The following GPCPD1 variants were observed in gnomAD, a reference collection of about 807,000 sequenced individuals.
GPCPD1 encodes glycerophosphocholine phosphodiesterase GPCPD1.
In GPCPD1, 29 loss-of-function variants were observed where a neutral mutation model predicts 89.2. The ratio of observed to expected loss-of-function variants is 0.33; its 90% CI spans 0.24 to 0.44. The LOEUF (loss-of-function observed/expected upper bound fraction) is 0.44. Among genes scored for constraint, GPCPD1 ranks in the 20% least tolerant of loss-of-function variants. The pLI is 1.00. For synonymous variants in GPCPD1, 258 were observed against 266.3 expected (o/e 0.97, Z 0.30); for missense variants, 594 against 808.9 (o/e 0.73, Z 3.22).
At chr20:5,591,574 A>G (rs1979329937) in intron 4 of GPCPD1, among the ~76,000 whole-genome samples, 1 of 152,202 alleles carries the variant, frequency 6.6e-6, no homozygotes, top group Non-Finnish European at 1.5e-5. Flanking sequence ...TTGTTTTCCT[A>G]TCATTCTTTA....
chr20:5,582,585 C>G (rs1369653885), intron 6 of GPCPD1, among the ~76,000 whole-genome samples: 5 of 152,164 alleles, frequency 3.3e-5, no homozygotes, highest in Non-Finnish European at 7.3e-5. Flanking sequence ...TCCTACAGTA[C>G]AGCATCCAAA....
chr20:5,558,576 T>C, intron 18 of GPCPD1, 108 bp downstream of exon 18: 2 of 638,150 alleles, frequency 3.1e-6, no homozygotes, highest in Non-Finnish European at 5.3e-6. Context: ...TTTGCTACAG[T>C]TTAGTCAAAA....
At chr20:5,551,566 AAT>A (rs753543400) in intron 19 of GPCPD1, among the ~76,000 whole-genome samples, 6 of 152,216 alleles carry the variant, frequency 3.9e-5, no homozygotes, top group African/African-American at 7.2e-5. Context: ...TACATGCAAC[AAT>A]ATGTTAATTT....
Position 5,546,715 on chromosome 20 carries a change from C to T in GPCPD1, c.*946G>A, listed in dbSNP as rs1248293203. 6.6e-6 allele frequency: 1 copy of T among 152,490 alleles called. No individual in the cohort carries two copies. The highest frequency in any genetic ancestry group is 1.9e-4 in the East Asian group (1 of 5,190). 9.4% of individuals were successfully genotyped at this position (152,490 alleles called of 1,614,324 possible). On this transcript the variant is annotated 3_prime_UTR_variant, in exon 20 of 20. Coordinates refer to ENST00000379019, the MANE Select transcript of GPCPD1 (RefSeq NM_019593.5). Reference sequence around the variant, plus strand: ...TAACACACGCACATACAAAACAAACCCACAAAGCAACAGTGTGTAATAGGT... The same window carrying T: ...TAACACACGCACATACAAAACAAACTCACAAAGCAACAGTGTGTAATAGGT...
At chr20:5,605,733 C>A (rs887653471) in intron 1 of GPCPD1, among the ~76,000 whole-genome samples, 10 of 151,906 alleles carry the variant, frequency 6.6e-5, no homozygotes, top group African/African-American at 9.7e-5. Context: ...AGCCCCCCCA[C>A]CTGCCTCCCC....
chr20:5,549,159 G>A, intron 19 of GPCPD1: 1 of 653,412 alleles, frequency 1.5e-6, no homozygotes, highest in East Asian at 3.5e-5. Flanking sequence ...AAACAGGGAG[G>A]ATGATGGCTA....
chr20:5,593,527 C>G lies in GPCPD1; in HGVS notation c.147-116G>C, dbSNP rs143832153. The G allele has an allele frequency of 6.6e-4, 422 of 640,424 alleles. 2 individuals are homozygous for G. Among genetic ancestry groups the G allele is most frequent in the East Asian group, 1.1e-3 (41 of 38,178 alleles). The allele number at this position is 640,424 out of a possible 1,614,324, so 39.7% of individuals were successfully genotyped here. A position where few individuals can be genotyped will look rare whatever the true frequency, so the allele number is the denominator to read the frequency against. On this transcript the variant is annotated intron_variant, in intron 3 of 19. Transcript: ENST00000379019. ...GTATGACCAATATCACTTATTTATT[C>G]CTACACAAAATTTTACAGGCCTACT... is the stretch of plus-strand genomic sequence containing the variant.
intron 7 of GPCPD1, 57 bp from the exon 8 acceptor site, chr20:5,578,668 C>A (rs1246182023): frequency 3.8e-6 from 4 of 1,044,508 alleles, no homozygotes; most frequent in Non-Finnish European, 5.9e-6. Context: ...AAAACTCATA[C>A]AAATGTTGCC....
intron 6 of GPCPD1, among the ~76,000 whole-genome samples, chr20:5,582,385 T>C (rs1207783797): frequency 6.6e-6 from 1 of 152,046 alleles, no homozygotes; most frequent in African/African-American, 2.4e-5. Context: ...CAAATTCCTA[T>C]CTAAATACTG....
rs1978289930 is a variant in GPCPD1 at position 5,576,678 on chromosome 20, T to C, written c.706-700A>G. Among the ~76,000 whole-genome samples, 4 of 152,328 alleles carry C rather than the reference T, an allele frequency of 2.6e-5. 1 individual carries two copies. In the South Asian group the frequency reaches 6.2e-4, roughly 24 times the overall value. On this transcript the variant is annotated intron_variant, in intron 8 of 19. Coordinates refer to ENST00000379019, the MANE Select transcript of GPCPD1 (RefSeq NM_019593.5). ...TATGTTGTTGTAAGACTAAGATATA[T>C]TTGTAGTGAATTTTTAACATATTCT...
Position 5,558,684 on chromosome 20 carries a change from C to A in GPCPD1, c.1668G>T (p.Leu556=). 1 of 1,532,936 alleles carries A rather than the reference C, an allele frequency of 6.5e-7. No individual in the cohort carries two copies. Among genetic ancestry groups the A allele is most frequent in the East Asian group, 2.3e-5 (1 of 42,578 alleles). 95.0% of individuals were successfully genotyped at this position (1,532,936 alleles called of 1,614,324 possible). Residue 556 remains leucine, a splice_region_variant and synonymous_variant, in exon 18 of 20, where the codon CTG becomes CTT. Coordinates refer to ENST00000379019, the MANE Select transcript of GPCPD1 (RefSeq NM_019593.5). ...AMSFAQFENL[L]GINVHTEDLL... ...AGATAAAAATTCAAACATAACTTAC[C>A]AGTAGATTTTCAAACTGTGCAAAGC... is the stretch of plus-strand genomic sequence containing the variant.
intron 19 of GPCPD1, among the ~76,000 whole-genome samples, chr20:5,553,871 A>G (rs930215282): frequency 2.0e-5 from 3 of 152,246 alleles, no homozygotes; most frequent in Non-Finnish European, 4.4e-5. Context: ...GTAAAAGTGC[A>G]AAGTTAAGTA....
rs11479995 is a variant in GPCPD1, at chr20:5,581,814, C to CTTTTTTTTT, written c.350-1692_350-1684dup. On this transcript the variant is annotated intron_variant, in intron 6 of 19. Transcript: ENST00000379019. ...ATGCTTAATAATTGTGGGACTTTAA[C>CTTTTTTTTT]TTTTTTTTTTTTTTTTTTTTTTTTT... Among the ~76,000 whole-genome samples, 186 of 75,008 alleles carry CTTTTTTTTT rather than the reference C, an allele frequency of 2.5e-3. 26 individuals are homozygous for CTTTTTTTTT. The highest frequency in any genetic ancestry group is 9.1e-3 in the African/African-American group (119 of 13,080). 49.2% of individuals were successfully genotyped at this position (75,008 alleles called of 152,430 possible). A position where few individuals can be genotyped will look rare whatever the true frequency, so the allele number is the denominator to read the frequency against.
intron 4 of GPCPD1, among the ~76,000 whole-genome samples, chr20:5,590,358 C>A (rs572874529): frequency 6.6e-6 from 1 of 151,370 alleles, no homozygotes; most frequent in South Asian, 2.1e-4. Flanking sequence ...CTGGCTAACA[C>A]GGCAAAACCC....
At chr20:5,581,556 A>G (rs528042817) in intron 6 of GPCPD1, among the ~76,000 whole-genome samples, 12 of 152,314 alleles carry the variant, frequency 7.9e-5, no homozygotes, top group Middle Eastern at 3.4e-3. Context: ...CAGAACTGTG[A>G]GTCAGAGCCA....
intron 4 of GPCPD1, among the ~76,000 whole-genome samples, chr20:5,588,214 G>A (rs187156903): frequency 6.6e-6 from 1 of 152,284 alleles, no homozygotes; most frequent in African/African-American, 2.4e-5. Flanking sequence ...CTCAAAAGTT[G>A]CAAATATAGG....
At chr20:5,574,999 G>C (rs753733966) in intron 10 of GPCPD1, among the ~76,000 whole-genome samples, 1 of 152,194 alleles carries the variant, frequency 6.6e-6, no homozygotes, top group African/African-American at 2.4e-5. Flanking sequence ...AGCATCTTTC[G>C]TTGAGGTCCA....
intron 6 of GPCPD1, among the ~76,000 whole-genome samples, chr20:5,583,225 C>CAAAAA (rs35153907): frequency 1.2e-4 from 8 of 64,270 alleles, no homozygotes; most frequent in Admixed American, 5.9e-4. Context: ...AACTCCATCT[C>CAAAAA]AAAAAAAAAA....
chr20:5,571,434 G>A (rs1419235239), intron 11 of GPCPD1, among the ~76,000 whole-genome samples: 1 of 152,008 alleles, frequency 6.6e-6, no homozygotes, highest in African/African-American at 2.4e-5. Flanking sequence ...TTCATCATGA[G>A]GTTTAAGTAA....
Sources: gnomAD v4.1 joint callset for allele counts (sites outside exome capture counted in the v4.1 genomes callset) on GRCh38, gnomAD v4.1.1 for gene constraint, MANE v1.5 for transcripts, NCBI Gene and HGNC (gene_info 2026-07-23, HGNC 2026-07-21) for gene names.